DOCK2: variants seen among roughly 807,000 people sequenced by gnomAD.
DOCK2 encodes dedicator of cytokinesis protein 2.
Under a neutral mutation model 248.9 loss-of-function variants are expected in DOCK2, and 87 were observed. That is an observed-to-expected ratio of 0.35 (90% CI 0.29 to 0.42). The LOEUF is 0.42. DOCK2 is among the 10% of genes least tolerant of loss of function. DOCK2 has a pLI of 1.00. For missense variants in DOCK2, 1,747 were observed against 2,300.2 expected (o/e 0.76, Z 4.92); for synonymous variants, 805 against 821.6 (o/e 0.98, Z 0.35).
chr5:170,072,321 G>A (rs964834239), intron 46 of DOCK2, among the ~76,000 whole-genome samples: 1 of 152,136 alleles, frequency 6.6e-6, no homozygotes, highest in African/African-American at 2.4e-5. Context: ...TAATGCCTTT[G>A]AGATTCCTCT....
chr5:170,018,885 TCCCC>T, intron 32 of DOCK2, 71 bp from the exon 33 acceptor site: 2 of 1,537,416 alleles, frequency 1.3e-6, no homozygotes, highest in Non-Finnish European at 1.8e-6. Context: ...TTTTTTTCTT[TCCCC>T]AGGCTTGGTC....
chr5:170,011,800 GCCCACAGCC>G (rs1755306654), intron 32 of DOCK2, among the ~76,000 whole-genome samples: 1 of 152,072 alleles, frequency 6.6e-6, no homozygotes, highest in Non-Finnish European at 1.5e-5. Context: ...ATGCATTTTT[GCCCACAGCC>G]CTCCCCTCTC....
At chr5:169,654,266 A>G (rs868768464) in intron 1 of DOCK2, 137 bp from the exon 2 acceptor site, 15 of 846,504 alleles carry the variant, frequency 1.8e-5, no homozygotes, top group Middle Eastern at 3.2e-4. Flanking sequence ...GGCAGGCAAT[A>G]GGTTTCTGTG....
intron 47 of DOCK2, among the ~76,000 whole-genome samples, chr5:170,077,288 A>G (rs955407882): frequency 1.3e-5 from 2 of 152,106 alleles, no homozygotes; most frequent in African/African-American, 4.8e-5. Context: ...ACCATTGGCC[A>G]TGTGATGGAA....
chr5:169,730,324 C>G (rs1246193481), intron 22 of DOCK2, among the ~76,000 whole-genome samples: 2 of 152,110 alleles, frequency 1.3e-5, no homozygotes, highest in Admixed American at 1.3e-4. Context: ...GAAGGAGGTG[C>G]AGGGAGGAAA....
At chr5:169,865,649 G>T (rs972885343) in intron 27 of DOCK2, among the ~76,000 whole-genome samples, 1 of 152,214 alleles carries the variant, frequency 6.6e-6, no homozygotes, top group Non-Finnish European at 1.5e-5. Flanking sequence ...TTTCATACCA[G>T]GGGTCTCAGA....
intron 27 of DOCK2, among the ~76,000 whole-genome samples, chr5:169,922,472 T>C (rs564408167): frequency 6.6e-6 from 1 of 152,364 alleles, no homozygotes; most frequent in East Asian, 1.9e-4. Flanking sequence ...TGGTATTGTA[T>C]CCAGACTGGG....
intron 33 of DOCK2, among the ~76,000 whole-genome samples, 195 bp downstream of exon 33, chr5:170,019,303 C>A (rs539792269): frequency 6.6e-6 from 1 of 152,272 alleles, no homozygotes; most frequent in East Asian, 1.9e-4. Flanking sequence ...CGTCCAAGGA[C>A]AAGATTAAAA....
chr5:169,675,806 A>G (rs1759302917), intron 6 of DOCK2, among the ~76,000 whole-genome samples: 1 of 152,246 alleles, frequency 6.6e-6, no homozygotes, highest in East Asian at 1.9e-4. Context: ...TTGCCCTGAC[A>G]TAAGCACTAG....
intron 27 of DOCK2, among the ~76,000 whole-genome samples, chr5:169,965,571 A>G (rs1031666373): frequency 6.6e-6 from 1 of 152,192 alleles, no homozygotes; most frequent in African/African-American, 2.4e-5. Context: ...ACATATTAAG[A>G]TCACCCAGGG....
intron 32 of DOCK2, among the ~76,000 whole-genome samples, chr5:170,013,977 G>A (rs926160061): frequency 6.6e-6 from 1 of 152,128 alleles, no homozygotes; most frequent in Admixed American, 6.5e-5. Flanking sequence ...TGGAAACTTG[G>A]GGCACCCAGA....
intron 13 of DOCK2, among the ~76,000 whole-genome samples, chr5:169,701,048 C>G (rs1315109301): frequency 6.6e-6 from 1 of 152,174 alleles, no homozygotes; most frequent in Non-Finnish European, 1.5e-5. Context: ...CTGATGTTAA[C>G]AATCAGTCAC....
intron 27 of DOCK2, among the ~76,000 whole-genome samples, chr5:169,892,843 G>A (rs1446248257): frequency 1.3e-5 from 2 of 152,108 alleles, no homozygotes; most frequent in East Asian, 1.9e-4. Context: ...TTATCCTCTG[G>A]ATTTCCTCTC....
chr5:169,776,317 C>A (rs1765383161), intron 25 of DOCK2, among the ~76,000 whole-genome samples: 1 of 151,848 alleles, frequency 6.6e-6, no homozygotes, highest in Non-Finnish European at 1.5e-5. Flanking sequence ...CACACATCAC[C>A]ATGGCTAGCT....
chr5:169,968,575 C>T (rs920268387), intron 27 of DOCK2, among the ~76,000 whole-genome samples: 13 of 152,280 alleles, frequency 8.5e-5, no homozygotes, highest in African/African-American at 2.6e-4. Context: ...CTATGGAGTT[C>T]GTGCAGATAC....
chr5:169,920,930 T>A (rs1775139849), intron 27 of DOCK2, among the ~76,000 whole-genome samples: 1 of 152,156 alleles, frequency 6.6e-6, no homozygotes, highest in African/African-American at 2.4e-5. Context: ...TGTCAAAAAA[T>A]ATAGTTAAAC....
At chr5:170,081,754 T>TC in intron 50 of DOCK2, 88 bp from the exon 51 acceptor site, 28 of 1,298,720 alleles carry the variant, frequency 2.2e-5, no homozygotes, top group South Asian at 4.4e-5. Context: ...GCTGGCTCTG[T>TC]CCCCCAGCCC....
intron 25 of DOCK2, among the ~76,000 whole-genome samples, chr5:169,782,372 G>A (rs1405593229): frequency 6.6e-6 from 1 of 152,064 alleles, no homozygotes; most frequent in African/African-American, 2.4e-5. Context: ...GGAAACTGTG[G>A]TTGTAGTCTC....
chr5:169,689,466 T>C, intron 9 of DOCK2, 133 bp downstream of exon 9: 2 of 881,388 alleles, frequency 2.3e-6, no homozygotes, highest in Non-Finnish European at 3.5e-6. Flanking sequence ...CAAGCAGAAA[T>C]CCAAAGCTGA....
Sources: gnomAD v4.1 joint callset for allele counts (sites outside exome capture counted in the v4.1 genomes callset) on GRCh38, gnomAD v4.1.1 for gene constraint, MANE v1.5 for transcripts, NCBI Gene and HGNC (gene_info 2026-07-23, HGNC 2026-07-21) for gene names.